GNAS: variants seen among roughly 807,000 people sequenced by gnomAD.
GNAS encodes GNAS complex locus.
Under a neutral mutation model 54.5 loss-of-function variants are expected in GNAS, and 8 were observed. The ratio of observed to expected loss-of-function variants is 0.15; its 90% CI spans 0.09 to 0.26. GNAS has a LOEUF of 0.26. Ranked by LOEUF, GNAS falls within the 10% of genes least tolerant of loss-of-function variation. The probability of loss-of-function intolerance (pLI) is 1.00; values close to 1 mark genes in which losing one functional copy is unlikely to be tolerated. For synonymous variants in GNAS, 204 were observed against 191.4 expected, an observed-to-expected ratio of 1.07 and a Z score of -0.54; for missense variants, 170 against 529.8, an observed-to-expected ratio of 0.32 and a Z score of 6.67.
At chr20:58,849,837 G>A (rs1051321530) in intron 1 of GNAS, among the ~76,000 whole-genome samples, 6 of 152,102 alleles carry the variant, frequency 3.9e-5, no homozygotes, top group African/African-American at 1.4e-4. Context: ...CTTTGTTCTC[G>A]ATCAGGATCA....
intron 1 of GNAS, among the ~76,000 whole-genome samples, chr20:58,846,909 G>A (rs1011523850): frequency 2.6e-5 from 4 of 152,116 alleles, no homozygotes; most frequent in Admixed American, 1.3e-4. Flanking sequence ...TTTACCTTCC[G>A]AGATTCCCTC....
rs78007891 is a variant in GNAS, at chr20:58,893,545, T to C, written c.139+1680T>C. Among the ~76,000 whole-genome samples, 13 of 152,352 alleles carry C rather than the reference T, an allele frequency of 8.5e-5. No homozygotes were observed. The East Asian group carries it at 2.5e-3, about 29-fold the overall frequency. On this transcript the variant is annotated intron_variant, in intron 1 of 12. Coordinates refer to ENST00000371085, the MANE Select transcript of GNAS (RefSeq NM_000516.7). ...TTTCCTTTGGTGGCTTTTGGTTTGC[T>C]CTTTTTGCATAGGTCATGACTTTGT...
intron 1 of GNAS, among the ~76,000 whole-genome samples, chr20:58,849,266 G>A (rs2086057374): frequency 6.6e-6 from 1 of 152,158 alleles, no homozygotes; most frequent in Non-Finnish European, 1.5e-5. Context: ...AAAACACCAA[G>A]TCTAGATGAG....
upstream of GNAS, chr20:58,840,162 A>AC (rs1220130891): frequency 1.9e-6 from 3 of 1,610,714 alleles, no homozygotes; most frequent in Non-Finnish European, 2.5e-6. The surrounding 1 kb of genome is among the most constrained non-coding windows in gnomAD (Gnocchi z 6.0). Context: ...AATTACAACG[A>AC]CCTGTGCCCG....
chr20:58,855,072 C>T (rs2086405674), intron 1 of GNAS: 9 of 1,613,236 alleles, frequency 5.6e-6, no homozygotes, highest in Non-Finnish European at 6.8e-6. Flanking sequence ...CCGCCGAAAG[C>T]CCCAGCGCAA....
chr20:58,908,963 C>T (rs2091257637), intron 6 of GNAS, 199 bp from the exon 7 acceptor site: 2 of 728,118 alleles, frequency 2.7e-6, no homozygotes, highest in South Asian at 2.8e-5. Context: ...ATCTTAAATC[C>T]TGTTTGCCCT....
chr20:58,861,719 T>C (rs1278977578), intron 1 of GNAS, among the ~76,000 whole-genome samples: 1 of 152,212 alleles, frequency 6.6e-6, no homozygotes, highest in East Asian at 1.9e-4. Context: ...TTCTTTTTTT[T>C]ATTGAGACGG....
rs2089313143 is a variant in GNAS at position 58,891,549 on chromosome 20, C to T, written c.-178C>T. 1.0e-6 allele frequency: 1 copy of T among 973,248 alleles called. No individual in the cohort carries two copies. The highest frequency in any genetic ancestry group is 4.6e-5 in the South Asian group (1 of 21,612). 60.3% of individuals were successfully genotyped at this position (973,248 alleles called of 1,614,324 possible). On this transcript the variant is annotated 5_prime_UTR_variant, in exon 1 of 13. Coordinates refer to ENST00000371085, the MANE Select transcript of GNAS (RefSeq NM_000516.7). ...CCGACCGACACCCTCCCCTTCCCGC[C>T]CGTCCGCGCGCCCCGCGGCCCGCGG... is the stretch of plus-strand genomic sequence containing the variant.
In GNAS at chr20:58,909,499, C is replaced by T. The variant is rs2091297462; in HGVS notation, c.660-22C>T. 2 of 1,613,724 alleles carry T rather than the reference C, an allele frequency of 1.2e-6. No individual in the cohort carries two copies. Among genetic ancestry groups the T allele is most frequent in the East Asian group, 2.2e-5 (1 of 44,874 alleles). ...TTCACCCCAGTCCCTCTGGAATAAC[C>T]AGCTGTCCTCCTCCCCACCAGCATG... On this transcript the variant is annotated intron_variant, in intron 8 of 12. Transcript: ENST00000371085. The surrounding 1 kb of genome is among the most constrained non-coding windows in gnomAD (Gnocchi z 7.3).
At chr20:58,854,393 G>A (rs1441723516) in intron 1 of GNAS, 2 of 1,566,320 alleles carry the variant, frequency 1.3e-6, no homozygotes, top group South Asian at 1.2e-5. Context: ...TACCCTCTCC[G>A]GGGTACGGAT....
chr20:58,899,699 ACACAT>A (rs1386308593), intron 3 of GNAS, among the ~76,000 whole-genome samples: 2 of 151,638 alleles, frequency 1.3e-5, no homozygotes, highest in South Asian at 4.2e-4. Flanking sequence ...AGACACGCAC[ACACAT>A]CACACGCACA....
chr20:58,910,990 C>A lies in GNAS; in HGVS notation c.*161C>A. The A allele has an allele frequency of 1.3e-6, 1 of 751,394 alleles. No individual in the cohort carries two copies. The allele number at this position is 751,394 out of a possible 1,614,324, so 46.5% of individuals were successfully genotyped here. A position where few individuals can be genotyped will look rare whatever the true frequency, so the allele number is the denominator to read the frequency against. ...GAAACCCCCTTTTCCCTTCAGCTTG[C>A]TTAGATGTTCCAAATTTAGAAAGCT... On this transcript the variant is annotated 3_prime_UTR_variant, in exon 13 of 13. Transcript: ENST00000371085. This position sits in a 1 kb window ranked among gnomAD's most constrained non-coding sequence, Gnocchi z 5.8.
upstream of GNAS, chr20:58,840,143 G>A (rs1419475131): frequency 2.0e-5 from 32 of 1,611,574 alleles, no homozygotes; most frequent in African/African-American, 2.7e-5. This position sits in a 1 kb window ranked among gnomAD's most constrained non-coding sequence, Gnocchi z 6.0. Flanking sequence ...GTGGCGCCGA[G>A]CTCGCCATAA....
intron 3 of GNAS, among the ~76,000 whole-genome samples, chr20:58,901,868 T>A (rs909440463): frequency 1.8e-5 from 2 of 108,858 alleles, no homozygotes; most frequent in Non-Finnish European, 3.5e-5. Flanking sequence ...CTCCACTGAC[T>A]GCCCTGCCCT....
intron 1 of GNAS, chr20:58,892,549 T>G (rs2089549795): frequency 2.4e-5 from 1 of 41,286 alleles, no homozygotes; most frequent in Non-Finnish European, 4.5e-5. Flanking sequence ...AAGGGAGTCG[T>G]GGCGCCGGAG....
upstream of GNAS, chr20:58,840,324 C>T (rs2085668916): frequency 6.2e-7 from 1 of 1,612,940 alleles, no homozygotes; most frequent in African/African-American, 1.3e-5. This position sits in a 1 kb window ranked among gnomAD's most constrained non-coding sequence, Gnocchi z 6.0. Context: ...CGCTCCGGCG[C>T]CCAGGTATTC....
At chr20:58,882,279 G>A (rs904665411) in intron 1 of GNAS, among the ~76,000 whole-genome samples, 4 of 152,092 alleles carry the variant, frequency 2.6e-5, no homozygotes, top group Non-Finnish European at 4.4e-5. Flanking sequence ...CCATGGTCTC[G>A]ATCTCCTGAC....
In GNAS at chr20:58,898,911, T is replaced by C. The variant is rs892656671; in HGVS notation, c.213-30T>C. 1.9e-6 allele frequency: 3 copies of C among 1,603,698 alleles called. No homozygotes were observed. In the Admixed American group the frequency reaches 5.0e-5, roughly 27 times the overall value. Reference sequence around the variant, plus strand: ...GTGTGACACTGCGGTGCCTTGCAGATTAGGTGAGCTTTCAATCTCTCTTTA... The same window carrying C: ...GTGTGACACTGCGGTGCCTTGCAGACTAGGTGAGCTTTCAATCTCTCTTTA... On this transcript the variant is annotated intron_variant, in intron 2 of 12. Transcript: ENST00000371085.
intron 3 of GNAS, among the ~76,000 whole-genome samples, chr20:58,902,724 A>ATTTTTTT (rs1569012979): frequency 1.6e-5 from 1 of 62,182 alleles, no homozygotes; most frequent in Non-Finnish European, 3.1e-5. Context: ...CGCACATACG[A>ATTTTTTT]CTTTTTTTTT....
Sources: allele counts gnomAD v4.1 joint callset (sites outside exome capture counted in the v4.1 genomes callset), GRCh38; gene constraint gnomAD v4.1.1; non-coding constraint Gnocchi (gnomAD v3.1); transcripts MANE v1.5; gene names NCBI Gene and HGNC (gene_info 2026-07-23, HGNC 2026-07-21).